PRLR: variants seen among roughly 807,000 people sequenced by gnomAD.
PRLR encodes the protein hPRL receptor.
A neutral mutation model predicts 40.2 loss-of-function variants in PRLR; 13 were observed. That is an observed-to-expected ratio of 0.32 (90% CI 0.21 to 0.51). The LOEUF (loss-of-function observed/expected upper bound fraction) is 0.51. Ranked by LOEUF, PRLR falls within the 20% of genes least tolerant of loss-of-function variation. The pLI, the probability that PRLR is intolerant of heterozygous loss-of-function variation, is 0.97. For missense variants in PRLR, 656 were observed against 747.3 expected (o/e 0.88, Z 1.42); for synonymous variants, 269 against 278.7 (o/e 0.97, Z 0.35).
At chr5:35,208,402 C>T (rs1250933038) in intron 1 of PRLR, among the ~76,000 whole-genome samples, 1 of 152,166 alleles carries the variant, frequency 6.6e-6, no homozygotes, top group Non-Finnish European at 1.5e-5. Context: ...TCTTGCATAG[C>T]TTGTAGTATA....
At chr5:35,066,731 T>C (rs917633347) in intron 9 of PRLR, among the ~76,000 whole-genome samples, 1 of 150,440 alleles carries the variant, frequency 6.6e-6, no homozygotes, top group African/African-American at 2.5e-5. Context: ...CCCTCCTATT[T>C]CCTCCTGCCT....
chr5:35,096,778 G>A (rs1388516408), intron 2 of PRLR, among the ~76,000 whole-genome samples: 1 of 151,946 alleles, frequency 6.6e-6, no homozygotes, highest in Non-Finnish European at 1.5e-5. Context: ...GCACCATCAC[G>A]CCTGGCTAAT....
At chr5:35,192,716 G>A (rs1775639386) in intron 1 of PRLR, among the ~76,000 whole-genome samples, 1 of 152,186 alleles carries the variant, frequency 6.6e-6, no homozygotes, top group Non-Finnish European at 1.5e-5. Flanking sequence ...TTGGTTAGCT[G>A]CCAAATAGCA....
intron 1 of PRLR, among the ~76,000 whole-genome samples, chr5:35,181,714 C>G (rs1368954885): frequency 6.6e-6 from 1 of 152,164 alleles, no homozygotes; most frequent in East Asian, 1.9e-4. Context: ...GATCCTCAAG[C>G]CTTCTTAAGC....
At chr5:35,068,600 C>T (rs1006982605) in intron 8 of PRLR, among the ~76,000 whole-genome samples, 179 bp downstream of exon 8, 18 of 151,948 alleles carry the variant, frequency 1.2e-4, no homozygotes, top group African/African-American at 2.9e-4. Flanking sequence ...CAGCCTGAAA[C>T]GAGTCAATTT....
At chr5:35,136,934 C>G in intron 1 of PRLR, among the ~76,000 whole-genome samples, 1 of 140,056 alleles carries the variant, frequency 7.1e-6, no homozygotes. Context: ...GAACTATTGC[C>G]TTCCAGAAAG....
downstream of PRLR, chr5:35,055,571 G>A (rs1768669020): frequency 6.6e-6 from 1 of 152,084 alleles, no homozygotes; most frequent in African/African-American, 2.4e-5. Context: ...TTAAAATGCA[G>A]TTCCCCCTCC....
chr5:35,096,532 G>C (rs140543726), intron 2 of PRLR, among the ~76,000 whole-genome samples: 6 of 152,164 alleles, frequency 3.9e-5, no homozygotes, highest in African/African-American at 1.2e-4. Flanking sequence ...ATGTTTTGCA[G>C]TTTACAGAGC....
exon 9 of PRLR, chr5:35,048,819 C>G (rs1225195675): frequency 1.2e-5 from 3 of 252,764 alleles, no homozygotes; most frequent in South Asian, 1.1e-4. Flanking sequence ...AGGTTTCCCA[C>G]TGCTTCAGAA....
At chr5:35,072,202 T>C (rs1422753359) in intron 6 of PRLR, among the ~76,000 whole-genome samples, 3 of 151,964 alleles carry the variant, frequency 2.0e-5, no homozygotes, top group Non-Finnish European at 4.4e-5. Context: ...CCCAGCCTGG[T>C]TGAGGTATTT....
At chr5:35,080,512 G>A (rs543593736) in intron 5 of PRLR, among the ~76,000 whole-genome samples, 76 of 152,298 alleles carry the variant, frequency 5.0e-4, no homozygotes, top group African/African-American at 1.7e-3. Context: ...ACACCAGTTA[G>A]AATGGTGATC....
intron 1 of PRLR, among the ~76,000 whole-genome samples, chr5:35,188,159 C>A (rs1221514042): frequency 6.6e-6 from 1 of 152,178 alleles, no homozygotes; most frequent in African/African-American, 2.4e-5. Context: ...ACTAGCCGTG[C>A]CTGGAAAGTC....
In PRLR at chr5:35,057,170, C is replaced by A. The variant is rs1241982196; in HGVS notation, c.*7919G>T. The A allele has an allele frequency of 6.6e-6, 1 of 152,116 alleles. No individual in the cohort carries two copies. The highest frequency in any genetic ancestry group is 2.4e-5 in the African/African-American group (1 of 41,422). The allele number at this position is 152,116 out of a possible 1,614,324, so 9.4% of individuals were successfully genotyped here. A position where few individuals can be genotyped will look rare whatever the true frequency, so the allele number is the denominator to read the frequency against. On this transcript the variant is annotated 3_prime_UTR_variant, in exon 10 of 10. Transcript: ENST00000618457. ...TGGATCTCCTTGTATCTGGTTCCATCTCCCCTCATTTTTCTCAGCCTCCCA... is the reference window on the plus strand; with the variant it reads ...TGGATCTCCTTGTATCTGGTTCCATATCCCCTCATTTTTCTCAGCCTCCCA...
chr5:35,110,668 C>T (rs778789605), intron 2 of PRLR, among the ~76,000 whole-genome samples: 1 of 152,144 alleles, frequency 6.6e-6, no homozygotes, highest in Non-Finnish European at 1.5e-5. Flanking sequence ...TAGTGTTCCT[C>T]AAAGTCAACC....
At chr5:35,150,429 C>T (rs563871927) in intron 1 of PRLR, among the ~76,000 whole-genome samples, 6 of 152,226 alleles carry the variant, frequency 3.9e-5, no homozygotes, top group Middle Eastern at 3.2e-3. Flanking sequence ...CCTAGACTTA[C>T]GCATTCTTTG....
At chr5:35,222,497 T>C (rs963740837) in intron 1 of PRLR, among the ~76,000 whole-genome samples, 1 of 152,060 alleles carries the variant, frequency 6.6e-6, no homozygotes, top group Non-Finnish European at 1.5e-5. Flanking sequence ...GTGGATAAAC[T>C]ATAAATATGC....
chr5:35,222,034 A>G (rs1241913953), intron 1 of PRLR, among the ~76,000 whole-genome samples: 1 of 152,160 alleles, frequency 6.6e-6, no homozygotes, highest in Non-Finnish European at 1.5e-5. Flanking sequence ...GCCGGGTGCA[A>G]TGGCTCATGC....
At chr5:35,117,693 C>T (rs2111708961) in intron 2 of PRLR, among the ~76,000 whole-genome samples, 1 of 152,294 alleles carries the variant, frequency 6.6e-6, no homozygotes, top group African/African-American at 2.4e-5. Context: ...AAAATAAAAG[C>T]AAGCACAATA....
At chr5:35,160,003 G>C (rs1391747205) in intron 1 of PRLR, among the ~76,000 whole-genome samples, 4 of 152,106 alleles carry the variant, frequency 2.6e-5, no homozygotes, top group African/African-American at 9.7e-5. Flanking sequence ...ACTCTTGCAG[G>C]GGAAAAGTGA....
Sources: allele counts gnomAD v4.1 joint callset (sites outside exome capture counted in the v4.1 genomes callset), GRCh38; gene constraint gnomAD v4.1.1; transcripts MANE v1.5; gene names NCBI Gene and HGNC (gene_info 2026-07-23, HGNC 2026-07-21).